The following VPS13B variants were observed in gnomAD, a reference collection of about 807,000 sequenced individuals.
VPS13B encodes the protein vacuolar protein sorting 13 homolog B.
Under a neutral mutation model 426.4 loss-of-function variants are expected in VPS13B, and 285 were observed. The ratio of observed to expected loss-of-function variants is 0.67; its 90% CI spans 0.61 to 0.74. The LOEUF (loss-of-function observed/expected upper bound fraction) is 0.74. Ranked by LOEUF, VPS13B falls within the 30% of genes least tolerant of loss-of-function variation. The pLI, the probability that VPS13B is intolerant of heterozygous loss-of-function variation, is 0.00. For missense variants in VPS13B, 4,537 were observed against 4,782.6 expected, an observed-to-expected ratio of 0.95 and a Z score of 1.51; for synonymous variants, 1,676 against 1,676.4, an observed-to-expected ratio of 1.00 and a Z score of 0.01.
chr8:99,137,628 A>G (rs941265223), intron 12 of VPS13B, among the ~76,000 whole-genome samples: 1 of 151,966 alleles, frequency 6.6e-6, no homozygotes, highest in Non-Finnish European at 1.5e-5. Flanking sequence ...AGAAGGAAAG[A>G]GCAGTAAATT....
intron 35 of VPS13B, among the ~76,000 whole-genome samples, chr8:99,669,103 A>G (rs1830603419): frequency 1.3e-5 from 2 of 152,210 alleles, no homozygotes; most frequent in East Asian, 1.9e-4. Flanking sequence ...AATTAGCATT[A>G]GATCAGATAC....
At chr8:99,373,961 C>T (rs772108229) in intron 19 of VPS13B, among the ~76,000 whole-genome samples, 3 of 152,012 alleles carry the variant, frequency 2.0e-5, no homozygotes, top group Non-Finnish European at 4.4e-5. Flanking sequence ...AAGCATTTAT[C>T]TTATAGTTTA....
intron 25 of VPS13B, among the ~76,000 whole-genome samples, chr8:99,501,275 A>G (rs1821219880): frequency 6.6e-6 from 1 of 152,194 alleles, no homozygotes. Context: ...CTCTGTAGCA[A>G]CTACTCAACT....
At position 99,817,794 on chromosome 8, in the gene VPS13B, T is replaced by C. The variant is rs1455898406; in HGVS notation, c.8352T>C (p.Ile2784=). 1 of 1,614,066 alleles carries C rather than the reference T, an allele frequency of 6.2e-7. No homozygotes were observed. Among genetic ancestry groups the C allele is most frequent in the Admixed American group, 1.7e-5 (1 of 60,016 alleles). The change falls in exon 45 of 62, where the codon ATT becomes ATC. Residue 2784 remains isoleucine, a synonymous_variant. Coordinates refer to ENST00000357162, the MANE Select transcript of VPS13B (RefSeq NM_152564.5). ...AATCCAAAGCCCCTGAGTACAGCAT[T>C]GTCATTCAGGTTTGAAAAGACGTTC... ...CLESKAPEYS[I]VIQVPSSNSS... is the part of the protein sequence containing the mutation.
Position 99,875,539 on chromosome 8 carries a change from T to A in VPS13B, c.11867T>A (p.Val3956Glu), listed in dbSNP as rs748915632. The change falls in exon 62 of 62, where the codon GTG becomes GAG. Residue 3956 changes from valine to glutamate, a missense_variant. Physicochemically the swap from Val to Glu is moderately radical, Grantham distance 121. Around this residue, in one of 2 missense-constraint regions of VPS13B, gnomAD observed 4,311 missense variants for 4,474.3 expected, o/e 0.96. Coordinates refer to ENST00000357162, the MANE Select transcript of VPS13B (RefSeq NM_152564.5). The stretch of plus-strand genomic sequence containing the variant: ...TCCATGCAAATACCATGCCCTGTGG[T>A]GGCTGCAGAACCTCCCCCCTCCACT... ...CSSMQIPCPV[V>E]AAEPPPSTVK... 6.2e-6 allele frequency: 10 copies of A among 1,614,100 alleles called. No homozygotes were observed. Among genetic ancestry groups the A allele is most frequent in the Non-Finnish European group, 8.5e-6 (10 of 1,179,956 alleles).
chr8:99,301,586 A>G (rs1391186213), intron 19 of VPS13B, among the ~76,000 whole-genome samples: 1 of 151,436 alleles, frequency 6.6e-6, no homozygotes, highest in African/African-American at 2.4e-5. Flanking sequence ...CACTGCACCC[A>G]GCCAAGAGTC....
At chr8:99,167,195 T>C (rs1010222669) in intron 15 of VPS13B, among the ~76,000 whole-genome samples, 1 of 152,166 alleles carries the variant, frequency 6.6e-6, no homozygotes, top group African/African-American at 2.4e-5. Context: ...GATTTTGATT[T>C]CATTCTTTTC....
rs758360399 is a variant in VPS13B at position 99,868,406 on chromosome 8, T to C, written c.11333T>C (p.Met3778Thr). The change falls in exon 59 of 62, where the codon ATG becomes ACG. Residue 3778 changes from methionine (M) to threonine (T), a missense_variant. Met to Thr is a moderately conservative substitution (Grantham distance 81). Transcript: ENST00000357162. ...GVISGVGKGI[M>T]GVFTKPIGGA... ...ATCTCGGGTGTGGGGAAAGGAATCA[T>C]GGGGGTGTTCACAAAGCCCATCGGA... is the stretch of plus-strand genomic sequence containing the variant. 2 of 1,613,900 alleles carry C rather than the reference T, an allele frequency of 1.2e-6. No homozygotes were observed. Among genetic ancestry groups the C allele is most frequent in the African/African-American group, 2.7e-5 (2 of 74,880 alleles).
At chr8:99,368,701 T>C (rs1813016257) in intron 19 of VPS13B, among the ~76,000 whole-genome samples, 1 of 152,232 alleles carries the variant, frequency 6.6e-6, no homozygotes, top group Admixed American at 6.5e-5. Context: ...TGTTTACCTA[T>C]TTTGTACCCC....
At chr8:99,623,276 C>G (rs914926949) in intron 33 of VPS13B, among the ~76,000 whole-genome samples, 1 of 152,148 alleles carries the variant, frequency 6.6e-6, no homozygotes, top group Non-Finnish European at 1.5e-5. Flanking sequence ...AATGTCTCCT[C>G]CTTGATGAGG....
At chr8:99,309,535 G>T (rs1055125973) in intron 19 of VPS13B, among the ~76,000 whole-genome samples, 69 of 152,042 alleles carry the variant, frequency 4.5e-4, no homozygotes, top group African/African-American at 1.6e-3. Flanking sequence ...TGTTCCATTG[G>T]TCTATATCTC....
intron 31 of VPS13B, among the ~76,000 whole-genome samples, chr8:99,572,627 G>A (rs546635728): frequency 2.8e-4 from 43 of 152,266 alleles, no homozygotes; most frequent in Middle Eastern, 3.4e-3. Context: ...TACAAAGGAC[G>A]TGAACTCATC....
At chr8:99,301,839 C>G (rs1330085396) in intron 19 of VPS13B, among the ~76,000 whole-genome samples, 1 of 151,934 alleles carries the variant, frequency 6.6e-6, no homozygotes, top group African/African-American at 2.4e-5. Context: ...GTTGCCCAAC[C>G]TGGTCTCAAA....
At chr8:99,081,411 C>T (rs1399045239) in intron 3 of VPS13B, among the ~76,000 whole-genome samples, 1 of 152,098 alleles carries the variant, frequency 6.6e-6, no homozygotes, top group East Asian at 1.9e-4. Context: ...TATTGGAAAT[C>T]TAAAAGCTTC....
chr8:99,783,273 G>A (rs775207001), intron 42 of VPS13B, among the ~76,000 whole-genome samples: 1 of 152,186 alleles, frequency 6.6e-6, no homozygotes, highest in African/African-American at 2.4e-5. Context: ...AAATGATGGA[G>A]TGTGACATTT....
chr8:99,780,556 T>A (rs2130687635), intron 42 of VPS13B, among the ~76,000 whole-genome samples: 1 of 152,334 alleles, frequency 6.6e-6, no homozygotes, highest in Admixed American at 6.5e-5. Flanking sequence ...TTCTGAGTTT[T>A]TTTAATGGAA....
intron 23 of VPS13B, among the ~76,000 whole-genome samples, chr8:99,457,306 A>C (rs1818531218): frequency 6.6e-6 from 1 of 152,220 alleles, no homozygotes; most frequent in South Asian, 2.1e-4. Flanking sequence ...TGCTGGGATT[A>C]CAGGCATGAG....
At chr8:99,111,846 A>G (rs1181957394) in intron 6 of VPS13B, among the ~76,000 whole-genome samples, 1 of 152,042 alleles carries the variant, frequency 6.6e-6, no homozygotes, top group Non-Finnish European at 1.5e-5. Flanking sequence ...GATTTGTTAC[A>G]AGGGTATATT....
intron 16 of VPS13B, among the ~76,000 whole-genome samples, chr8:99,191,044 T>G (rs1243340012): frequency 6.6e-6 from 1 of 152,112 alleles, no homozygotes; most frequent in Admixed American, 6.5e-5. Flanking sequence ...TTGAAAGTTT[T>G]TTTTTTCCTG....
Sources: gnomAD v4.1 joint callset for allele counts (sites outside exome capture counted in the v4.1 genomes callset) on GRCh38, gnomAD v4.1.1 for gene constraint, gnomAD v4.1.1 regional missense constraint, MANE v1.5 for transcripts, NCBI Gene and HGNC (gene_info 2026-07-23, HGNC 2026-07-21) for gene names.